Variants in SPATS2 observed in about 807,000 individuals in gnomAD.
SPATS2 encodes the protein spermatogenesis-associated serine-rich protein 2.
In SPATS2, 38 loss-of-function variants were observed where a neutral mutation model predicts 63.7. That is an observed-to-expected ratio of 0.60 (90% CI 0.46 to 0.78). SPATS2 has a LOEUF of 0.78. SPATS2 is among the 30% of genes least tolerant of loss of function. The pLI, the probability that SPATS2 is intolerant of heterozygous loss-of-function variation, is 0.00. For missense variants in SPATS2, 588 were observed against 666.2 expected (o/e 0.88, Z 1.29); for synonymous variants, 207 against 232.9 (o/e 0.89, Z 1.01).
At chr12:49,417,732 A>G (rs1944911962) in intron 2 of SPATS2, among the ~76,000 whole-genome samples, 2 of 152,260 alleles carry the variant, frequency 1.3e-5, no homozygotes, top group African/African-American at 2.4e-5. Context: ...GCAAATAGAA[A>G]GTTGTTGCAG....
intron 2 of SPATS2, among the ~76,000 whole-genome samples, chr12:49,444,546 AT>A (rs2137571031): frequency 6.6e-6 from 1 of 151,538 alleles, no homozygotes; most frequent in South Asian, 2.1e-4. Flanking sequence ...TGTGAATGTA[AT>A]TTTTTGTTAA....
At chr12:49,412,999 A>T (rs1944824334) in intron 2 of SPATS2, among the ~76,000 whole-genome samples, 2 of 152,084 alleles carry the variant, frequency 1.3e-5, no homozygotes. Flanking sequence ...TTGATTGGTA[A>T]TATAGAAAGG....
At chr12:49,437,664 CA>C (rs1309662905) in intron 2 of SPATS2, among the ~76,000 whole-genome samples, 1 of 152,156 alleles carries the variant, frequency 6.6e-6, no homozygotes, top group Non-Finnish European at 1.5e-5. Flanking sequence ...CCGTCTCCAC[CA>C]AAAAAATACG....
At chr12:49,453,423 C>A (rs1231712353) in intron 2 of SPATS2, among the ~76,000 whole-genome samples, 3 of 152,112 alleles carry the variant, frequency 2.0e-5, no homozygotes, top group African/African-American at 7.2e-5. Flanking sequence ...CTTTCCTGGA[C>A]TAAATCTGTG....
chr12:49,408,552 CTTT>C (rs772842153), intron 2 of SPATS2, among the ~76,000 whole-genome samples: 3 of 116,058 alleles, frequency 2.6e-5, no homozygotes, highest in Non-Finnish European at 1.8e-5. Flanking sequence ...TGTGCCTGGC[CTTT>C]TTTTTTTTTT....
intron 2 of SPATS2, among the ~76,000 whole-genome samples, chr12:49,379,870 G>A (rs543412286): frequency 6.6e-5 from 10 of 152,020 alleles, no homozygotes; most frequent in African/African-American, 1.2e-4. Context: ...TGATCTGCCC[G>A]CCTTGGCCTC....
At chr12:49,460,324 C>T (rs7964718) in intron 2 of SPATS2, among the ~76,000 whole-genome samples, 28,335 of 149,666 alleles carry the variant, frequency 0.19, 3,617 homozygotes, top group African/African-American at 0.37. Context: ...CGTGGTGGTG[C>T]ACGCCTGTAG....
intron 10 of SPATS2, among the ~76,000 whole-genome samples, chr12:49,518,102 T>C (rs1026816624): frequency 2.6e-5 from 4 of 152,298 alleles, no homozygotes; most frequent in Admixed American, 2.6e-4. Flanking sequence ...TCTCATAAAT[T>C]AAAAGAAAGG....
intron 3 of SPATS2, among the ~76,000 whole-genome samples, chr12:49,467,588 C>G (rs1945945280): frequency 6.6e-6 from 1 of 152,152 alleles, no homozygotes; most frequent in Non-Finnish European, 1.5e-5. Context: ...TTTGGGAGTC[C>G]TGATTTTGTC....
intron 2 of SPATS2, among the ~76,000 whole-genome samples, chr12:49,434,736 A>T (rs915110861): frequency 2.0e-5 from 3 of 152,200 alleles, no homozygotes; most frequent in African/African-American, 7.2e-5. Context: ...GGCTAACTTG[A>T]ATATGGAATC....
At chr12:49,500,321 T>G in intron 9 of SPATS2, 116 bp downstream of exon 9, 1 of 1,166,192 alleles carries the variant, frequency 8.6e-7, no homozygotes, top group Non-Finnish European at 1.2e-6. Flanking sequence ...TAGGAGAGAC[T>G]TATAAATCCT....
At chr12:49,369,307 G>A (rs1377839901) in intron 1 of SPATS2, among the ~76,000 whole-genome samples, 1 of 152,112 alleles carries the variant, frequency 6.6e-6, no homozygotes, top group Non-Finnish European at 1.5e-5. Flanking sequence ...GATTACAGGC[G>A]TGAGCCACCG....
intron 2 of SPATS2, among the ~76,000 whole-genome samples, chr12:49,445,098 C>T (rs1438776408): frequency 6.6e-6 from 1 of 151,972 alleles, no homozygotes; most frequent in Non-Finnish European, 1.5e-5. Context: ...ACTTTCTTTT[C>T]TTTTCTTTCA....
intron 2 of SPATS2, among the ~76,000 whole-genome samples, chr12:49,401,013 C>T (rs1329987121): frequency 6.6e-6 from 1 of 152,118 alleles, no homozygotes; most frequent in African/African-American, 2.4e-5. Flanking sequence ...GCTGGGACCA[C>T]AGGCATGTGC....
intron 2 of SPATS2, among the ~76,000 whole-genome samples, chr12:49,388,729 C>G (rs1183129369): frequency 1.3e-5 from 2 of 150,528 alleles, no homozygotes; most frequent in African/African-American, 2.4e-5. Flanking sequence ...AGGTCACACT[C>G]TCTTGCCCAG....
At chr12:49,435,616 G>C (rs1331243252) in intron 2 of SPATS2, among the ~76,000 whole-genome samples, 1 of 149,682 alleles carries the variant, frequency 6.7e-6, no homozygotes, top group Non-Finnish European at 1.5e-5. Flanking sequence ...GTGAGCCACC[G>C]TGCCCGGCTA....
At position 49,369,511 on chromosome 12, in the gene SPATS2, C is replaced by T. The variant is rs144382518; in HGVS notation, c.-306-1717C>T. Among the ~76,000 whole-genome samples the T allele has an allele frequency of 5.3e-5, 8 of 152,280 alleles. No individual in the cohort carries two copies. The East Asian group carries it at 1.3e-3, about 26-fold the overall frequency. ...TATTCAGACCTAGCTGTATCGGATGCCTTTTTTAAAATCTTCACTACCTGT... is the reference window on the plus strand; with the variant it reads ...TATTCAGACCTAGCTGTATCGGATGTCTTTTTTAAAATCTTCACTACCTGT... On this transcript the variant is annotated intron_variant, in intron 1 of 13. Coordinates refer to ENST00000552918, the MANE Select transcript of SPATS2 (RefSeq NM_023071.4).
chr12:49,377,341 A>G (rs1403287161), intron 2 of SPATS2, among the ~76,000 whole-genome samples: 10 of 152,224 alleles, frequency 6.6e-5, no homozygotes, highest in Non-Finnish European at 1.3e-4. Flanking sequence ...AACAATGCGT[A>G]ACAACGACTA....
chr12:49,468,438 G>A lies in SPATS2; in HGVS notation c.25+7401G>A, dbSNP rs1374887661. Among the ~76,000 whole-genome samples, 4 of 151,754 alleles carry A rather than the reference G, an allele frequency of 2.6e-5. No individual in the cohort carries two copies. In the East Asian group the frequency reaches 7.7e-4, roughly 29 times the overall value. ...ACCTCCCAAAGTGCTGGGATTACAG[G>A]CGTGAACCACTGTGCCCGGCCTTTT... is the stretch of plus-strand genomic sequence containing the variant. On this transcript the variant is annotated intron_variant, in intron 3 of 13. Coordinates refer to ENST00000552918, the MANE Select transcript of SPATS2 (RefSeq NM_023071.4).
Sources: allele counts gnomAD v4.1 joint callset (sites outside exome capture counted in the v4.1 genomes callset), GRCh38; gene constraint gnomAD v4.1.1; transcripts MANE v1.5; gene names NCBI Gene and HGNC (gene_info 2026-07-23, HGNC 2026-07-21).